CRIM1: variants seen among roughly 807,000 people sequenced by gnomAD.
CRIM1 encodes cysteine-rich motor neuron 1 protein.
Under a neutral mutation model 116.4 loss-of-function variants are expected in CRIM1, and 32 were observed. That is an observed-to-expected ratio of 0.27 (90% confidence interval 0.21 to 0.37). The LOEUF is 0.37. Ranked by LOEUF, CRIM1 falls within the 10% of genes least tolerant of loss-of-function variation. The pLI is 1.00. For synonymous variants in CRIM1, 590 were observed against 509.2 expected (o/e 1.16, Z -2.13); for missense variants, 1,331 against 1,354.8 (o/e 0.98, Z 0.28).
chr2:36,483,794 C>T (rs1335616564), intron 7 of CRIM1, among the ~76,000 whole-genome samples: 4 of 152,064 alleles, frequency 2.6e-5, no homozygotes, highest in African/African-American at 4.8e-5. Context: ...CCAACCAGAC[C>T]CTTCATACAG....
At chr2:36,388,954 G>T (rs908971444) in intron 1 of CRIM1, among the ~76,000 whole-genome samples, 1 of 152,182 alleles carries the variant, frequency 6.6e-6, no homozygotes, top group Non-Finnish European at 1.5e-5. Flanking sequence ...ACAAATCAGT[G>T]TTCTTGTTGT....
intron 2 of CRIM1, among the ~76,000 whole-genome samples, chr2:36,424,754 A>C (rs372562363): frequency 1.3e-4 from 20 of 152,264 alleles, no homozygotes; most frequent in African/African-American, 4.3e-4. Context: ...TTCTCTAGTC[A>C]CAATCCTTTT....
intron 2 of CRIM1, among the ~76,000 whole-genome samples, chr2:36,420,565 G>A (rs1026954064): frequency 4.6e-5 from 7 of 152,184 alleles, no homozygotes; most frequent in African/African-American, 1.7e-4. Flanking sequence ...TATGTACGGG[G>A]TCTTAAGTGC....
chr2:36,392,378 AT>A (rs1243107577), intron 1 of CRIM1, among the ~76,000 whole-genome samples: 15 of 152,176 alleles, frequency 9.9e-5, no homozygotes, highest in African/African-American at 3.6e-4. Context: ...AGGAGACTAC[AT>A]CTTGTCACAT....
chr2:36,467,054 C>A (rs1342141992), intron 5 of CRIM1, among the ~76,000 whole-genome samples: 1 of 152,190 alleles, frequency 6.6e-6, no homozygotes, highest in Non-Finnish European at 1.5e-5. Context: ...TGGGATCAGT[C>A]TGCAGGGCCT....
At chr2:36,464,763 A>G in intron 5 of CRIM1, 108 bp downstream of exon 5, 1 of 1,375,504 alleles carries the variant, frequency 7.3e-7, no homozygotes, top group Non-Finnish European at 1.0e-6. Flanking sequence ...GATTACCTTC[A>G]GGGGCTTGCT....
At chr2:36,395,057 C>G (rs183183014) in intron 1 of CRIM1, among the ~76,000 whole-genome samples, 69 of 148,692 alleles carry the variant, frequency 4.6e-4, no homozygotes, top group Non-Finnish European at 8.1e-4. Context: ...CTTTGTTGCC[C>G]AGGCTGGAGT....
At chr2:36,522,637 A>G (rs1391052222) in intron 13 of CRIM1, among the ~76,000 whole-genome samples, 1 of 151,918 alleles carries the variant, frequency 6.6e-6, no homozygotes, top group Non-Finnish European at 1.5e-5. Flanking sequence ...CCCCGTCTCT[A>G]CCAAAAATAC....
intron 1 of CRIM1, among the ~76,000 whole-genome samples, chr2:36,383,671 A>C (rs1670954402): frequency 1.3e-5 from 2 of 152,290 alleles, no homozygotes; most frequent in Admixed American, 1.3e-4. Context: ...AGGATAAGGG[A>C]AGTGCTGGGG....
chr2:36,436,968 C>T (rs955013054), intron 2 of CRIM1, among the ~76,000 whole-genome samples: 1 of 152,140 alleles, frequency 6.6e-6, no homozygotes, highest in African/African-American at 2.4e-5. Flanking sequence ...ATAACCAAAG[C>T]AATATTTGAT....
At chr2:36,512,787 G>T (rs915097798) in intron 10 of CRIM1, among the ~76,000 whole-genome samples, 1 of 152,210 alleles carries the variant, frequency 6.6e-6, no homozygotes, top group Non-Finnish European at 1.5e-5. Flanking sequence ...TAGCTCAGAA[G>T]TTAGCTGCTG....
intron 1 of CRIM1, among the ~76,000 whole-genome samples, chr2:36,394,708 A>G (rs1671880787): frequency 6.6e-6 from 1 of 151,914 alleles, no homozygotes; most frequent in Non-Finnish European, 1.5e-5. Context: ...ATAAAACATA[A>G]ATTGTGTGTC....
intron 8 of CRIM1, among the ~76,000 whole-genome samples, chr2:36,504,783 T>G (rs1681273618): frequency 6.6e-6 from 1 of 152,222 alleles, no homozygotes; most frequent in Non-Finnish European, 1.5e-5. Context: ...GTAATATACC[T>G]GCTTACTACA....
At position 36,509,275 on chromosome 2, in the gene CRIM1, G is replaced by A. The variant is rs116446431; in HGVS notation, c.1502-708G>A. On this transcript the variant is annotated intron_variant, in intron 8 of 16. Transcript: ENST00000280527. ...ACTCACACCTGTAACCCCAGCACTT[G>A]GGAAGCTGACACTGGCGGATCACTT... 4.6e-3 allele frequency among the ~76,000 whole-genome samples: 702 copies of A among 152,318 alleles called. 3 individuals are homozygous for A. The highest frequency in any genetic ancestry group is 0.041 in the Middle Eastern group (12 of 294).
intron 2 of CRIM1, among the ~76,000 whole-genome samples, chr2:36,435,688 C>T (rs1159236825): frequency 6.6e-6 from 1 of 151,954 alleles, no homozygotes; most frequent in Non-Finnish European, 1.5e-5. Context: ...ACTTCCTTGA[C>T]ATATGGACCT....
chr2:36,418,061 C>T (rs369191074), intron 2 of CRIM1, among the ~76,000 whole-genome samples: 16 of 152,282 alleles, frequency 1.1e-4, no homozygotes, highest in East Asian at 9.7e-4. Context: ...CCTAAATGAG[C>T]ACTGACTATG....
chr2:36,428,299 A>G (rs945463215), intron 2 of CRIM1, among the ~76,000 whole-genome samples: 18 of 152,220 alleles, frequency 1.2e-4, no homozygotes, highest in African/African-American at 3.4e-4. Flanking sequence ...TTCTTTACTC[A>G]TATCTACGAA....
intron 2 of CRIM1, among the ~76,000 whole-genome samples, chr2:36,398,130 T>A (rs913542822): frequency 6.6e-6 from 1 of 152,240 alleles, no homozygotes; most frequent in Non-Finnish European, 1.5e-5. Flanking sequence ...TCTGTTTACA[T>A]AGTTAATAAT....
At chr2:36,491,980 C>A (rs956345869) in intron 7 of CRIM1, among the ~76,000 whole-genome samples, 1 of 151,978 alleles carries the variant, frequency 6.6e-6, no homozygotes, top group Non-Finnish European at 1.5e-5. Context: ...AGCTGGATTC[C>A]TGGAAAAAGA....
Sources: gnomAD v4.1 joint callset for allele counts (sites outside exome capture counted in the v4.1 genomes callset) on GRCh38, gnomAD v4.1.1 for gene constraint, MANE v1.5 for transcripts, NCBI Gene and HGNC (gene_info 2026-07-23, HGNC 2026-07-21) for gene names.